The following AMBP variants were observed in gnomAD, a reference collection of about 807,000 sequenced individuals.
The protein encoded by AMBP is alpha-1-microglobulin/bikunin precursor, also known as protein AMBP.
AMBP carries 37 observed loss-of-function variants against 46.3 expected under a neutral mutation model. The observed-to-expected ratio is 0.80, with a 90% CI of 0.61 to 1.05. The LOEUF (loss-of-function observed/expected upper bound fraction) is 1.05. AMBP is among the 50% of genes least tolerant of loss of function. AMBP has a pLI of 0.00. For synonymous variants in AMBP, 174 were observed against 175.9 expected (o/e 0.99, Z 0.09); for missense variants, 475 against 461.2 (o/e 1.03, Z -0.27).
intron 4 of AMBP, among the ~76,000 whole-genome samples, chr9:114,073,828 T>G (rs1412372879): frequency 6.6e-6 from 1 of 152,158 alleles, no homozygotes; most frequent in African/African-American, 2.4e-5. Flanking sequence ...GCCTGGAGGC[T>G]CTGTAATTCT....
chr9:114,068,833 C>G (rs1846717538), intron 6 of AMBP, among the ~76,000 whole-genome samples: 1 of 130,014 alleles, frequency 7.7e-6, no homozygotes, highest in Non-Finnish European at 1.6e-5. Flanking sequence ...AAAAAAAAAA[C>G]CTTTACTTAC....
At chr9:114,061,143 T>A (rs1054615334) in intron 8 of AMBP, 45 bp from the exon 9 acceptor site, 8 of 1,601,070 alleles carry the variant, frequency 5.0e-6, no homozygotes, top group Non-Finnish European at 6.8e-6. Flanking sequence ...CCCTTGTGAC[T>A]GCTGATCAGA....
rs1846780820 is a variant in AMBP at position 114,074,296 on chromosome 9, C to G, written c.338-144G>C. 4 of 653,094 alleles carry G rather than the reference C, an allele frequency of 6.1e-6. No individual in the cohort carries two copies. In the South Asian group the frequency reaches 7.4e-5, roughly 12 times the overall value. The allele number at this position is 653,094 out of a possible 1,614,324, so 40.5% of individuals were successfully genotyped here. A position where few individuals can be genotyped will look rare whatever the true frequency, so the allele number is the denominator to read the frequency against. ...CCTTCCATATCTCCATTTATCAATT[C>G]ATCCATATTCAATCTCTCCCTATCC... On this transcript the variant is annotated intron_variant, in intron 3 of 9. Coordinates refer to ENST00000265132, the MANE Select transcript of AMBP (RefSeq NM_001633.4).
intron 6 of AMBP, among the ~76,000 whole-genome samples, chr9:114,064,969 A>G (rs1031074345): frequency 1.3e-5 from 2 of 152,222 alleles, no homozygotes; most frequent in African/African-American, 4.8e-5. Flanking sequence ...AAAGGAGTAA[A>G]AAGCAAAAAT....
intron 7 of AMBP, 143 bp downstream of exon 7, chr9:114,062,534 C>T (rs1846650808): frequency 2.5e-6 from 2 of 800,098 alleles, no homozygotes; most frequent in Non-Finnish European, 4.2e-6. Flanking sequence ...GTGCAGAGTA[C>T]TTGATTTGCC....
intron 6 of AMBP, 24 bp downstream of exon 6, chr9:114,069,675 G>A: frequency 6.2e-7 from 1 of 1,605,604 alleles, no homozygotes. Context: ...GGGGTGGGAT[G>A]GGGTCGGGGG....
At chr9:114,075,176 G>A (rs1319401148) in intron 2 of AMBP, 140 bp from the exon 3 acceptor site, 17 of 631,078 alleles carry the variant, frequency 2.7e-5, no homozygotes, top group South Asian at 1.0e-4. Context: ...TTTTTAATTC[G>A]GAAATGAACA....
chr9:114,074,237 A>G lies in AMBP; in HGVS notation c.338-85T>C. Reference sequence around the variant, plus strand: ...AGGTCCGTCACCTGTTTACTCACACATCATCTCCTCATCCATCCATCTATC... The same window carrying G: ...AGGTCCGTCACCTGTTTACTCACACGTCATCTCCTCATCCATCCATCTATC... On this transcript the variant is annotated intron_variant, in intron 3 of 9. Transcript: ENST00000265132. 3 of 985,510 alleles carry G rather than the reference A, an allele frequency of 3.0e-6. No homozygotes were observed. The Admixed American group carries it at 5.5e-5, about 18-fold the overall frequency. 61.0% of individuals were successfully genotyped at this position (985,510 alleles called of 1,614,324 possible). A position where few individuals can be genotyped will look rare whatever the true frequency, so the allele number is the denominator to read the frequency against.
At chr9:114,062,656 G>GA in intron 7 of AMBP, 21 bp downstream of exon 7, 2 of 1,611,994 alleles carry the variant, frequency 1.2e-6, no homozygotes, top group Non-Finnish European at 1.7e-6. Context: ...CAGAGGGGGT[G>GA]AAAAGGCAGG....
chr9:114,076,780 A>G (rs1357679590), intron 1 of AMBP, 40 bp from the exon 2 acceptor site: 40 of 1,605,198 alleles, frequency 2.5e-5, no homozygotes, highest in Non-Finnish European at 3.1e-5. Flanking sequence ...CATCAGTCTC[A>G]GACCTCAAAG....
intron 4 of AMBP, among the ~76,000 whole-genome samples, 188 bp from the exon 5 acceptor site, chr9:114,073,214 C>A (rs1302434558): frequency 2.0e-5 from 3 of 152,050 alleles, no homozygotes; most frequent in Non-Finnish European, 4.4e-5. Context: ...CAGGTTCCCA[C>A]CCAGGTCTCC....
At chr9:114,072,619 T>C (rs1846756801) in intron 5 of AMBP, among the ~76,000 whole-genome samples, 1 of 152,224 alleles carries the variant, frequency 6.6e-6, no homozygotes, top group Non-Finnish European at 1.5e-5. Context: ...CTCTGATTCC[T>C]GAGCCCACTT....
chr9:114,075,148 T>C lies in AMBP; in HGVS notation c.261-112A>G. On this transcript the variant is annotated intron_variant, in intron 2 of 9. Coordinates refer to ENST00000265132, the MANE Select transcript of AMBP (RefSeq NM_001633.4). ...TGCCTTGGTTTTGGGGTTTTTTTGT[T>C]TGTGTGTTTTTGTTTGCTTTTTAAT... 5 of 759,890 alleles carry C rather than the reference T, an allele frequency of 6.6e-6. No individual in the cohort carries two copies. In the South Asian group the frequency reaches 8.9e-5, roughly 14 times the overall value. The allele number at this position is 759,890 out of a possible 1,614,324, so 47.1% of individuals were successfully genotyped here.
At chr9:114,066,369 A>T (rs1215534911) in intron 6 of AMBP, among the ~76,000 whole-genome samples, 1 of 55,004 alleles carries the variant, frequency 1.8e-5, no homozygotes, top group Non-Finnish European at 3.7e-5. Flanking sequence ...ACATGCATTT[A>T]TGTGCACGTG....
At chr9:114,063,802 T>C (rs76167427) in intron 6 of AMBP, among the ~76,000 whole-genome samples, 3,037 of 152,340 alleles carry the variant, frequency 0.02, 47 homozygotes, top group East Asian at 0.074. Context: ...TAAAATGATG[T>C]TGAATTTAAC....
chr9:114,068,881 G>A (rs1433695275), intron 6 of AMBP, among the ~76,000 whole-genome samples: 1 of 138,028 alleles, frequency 7.2e-6, no homozygotes, highest in Non-Finnish European at 1.5e-5. Flanking sequence ...TCTTTATAAT[G>A]ACCATTTATT....
chr9:114,062,558 G>T, intron 7 of AMBP, 119 bp downstream of exon 7: 1 of 1,026,738 alleles, frequency 9.7e-7, no homozygotes, highest in Non-Finnish European at 1.5e-6. Context: ...TCTCAGTCCA[G>T]CCCTTGAGTC....
chr9:114,073,436 C>T (rs551422431), intron 4 of AMBP, among the ~76,000 whole-genome samples: 6 of 149,348 alleles, frequency 4.0e-5, no homozygotes, highest in Admixed American at 1.3e-4. Flanking sequence ...TCAGTAGAGA[C>T]GGGGTTTCAC....
At chr9:114,076,761 G>T (rs1846816545) in intron 1 of AMBP, 21 bp from the exon 2 acceptor site, 1 of 1,612,324 alleles carries the variant, frequency 6.2e-7, no homozygotes, top group Non-Finnish European at 8.5e-7. Flanking sequence ...GGTGAGCTCT[G>T]GGGGTCTGCA....
Sources: gnomAD v4.1 joint callset for allele counts (sites outside exome capture counted in the v4.1 genomes callset) on GRCh38, gnomAD v4.1.1 for gene constraint, MANE v1.5 for transcripts, NCBI Gene and HGNC (gene_info 2026-07-23, HGNC 2026-07-21) for gene names.